The following TIAM1 variants were observed in gnomAD, a reference collection of about 807,000 sequenced individuals.
The protein encoded by TIAM1 is rho guanine nucleotide exchange factor TIAM1.
TIAM1 carries 65 observed loss-of-function variants against 163.5 expected under a neutral mutation model. The ratio of observed to expected loss-of-function variants is 0.40; its 90% CI spans 0.33 to 0.49. The LOEUF is 0.49. Among genes scored for constraint, TIAM1 ranks in the 20% least tolerant of loss-of-function variants. The pLI, the probability that TIAM1 is intolerant of heterozygous loss-of-function variation, is 0.77. For missense variants in TIAM1, 1,789 were observed against 2,044.7 expected, an observed-to-expected ratio of 0.87 and a Z score of 2.41; for synonymous variants, 833 against 810.1, an observed-to-expected ratio of 1.03 and a Z score of -0.48.
chr21:31,374,840 T>G (rs1337592237), intron 2 of TIAM1, among the ~76,000 whole-genome samples: 1 of 152,200 alleles, frequency 6.6e-6, no homozygotes, highest in African/African-American at 2.4e-5. Flanking sequence ...AAAACAAATA[T>G]TCGTTATTCC....
At chr21:31,218,785 G>A (rs527313637) in intron 8 of TIAM1, among the ~76,000 whole-genome samples, 2 of 152,096 alleles carry the variant, frequency 1.3e-5, no homozygotes, top group East Asian at 3.9e-4. Flanking sequence ...TCTTTTTCCT[G>A]ATAAAAGGAA....
At chr21:31,306,053 C>T (rs983243897) in intron 2 of TIAM1, among the ~76,000 whole-genome samples, 3 of 152,044 alleles carry the variant, frequency 2.0e-5, no homozygotes, top group African/African-American at 7.2e-5. Flanking sequence ...CAGGCCAAAT[C>T]AGGGACAATT....
intron 1 of TIAM1, among the ~76,000 whole-genome samples, chr21:31,547,616 A>G (rs2048539745): frequency 6.6e-6 from 1 of 152,252 alleles, no homozygotes; most frequent in Non-Finnish European, 1.5e-5. Flanking sequence ...ATGAAATGTT[A>G]AAGTTCAATT....
chr21:31,209,077 C>T (rs2086592515), intron 11 of TIAM1, among the ~76,000 whole-genome samples: 2 of 151,974 alleles, frequency 1.3e-5, no homozygotes, highest in South Asian at 4.1e-4. Flanking sequence ...TTCTTGTGGA[C>T]ACTCGGCACT....
intron 2 of TIAM1, among the ~76,000 whole-genome samples, chr21:31,392,935 C>G (rs942518911): frequency 6.7e-6 from 1 of 149,794 alleles, no homozygotes; most frequent in Non-Finnish European, 1.5e-5. Flanking sequence ...TATACAGAAC[C>G]GTGAGCCAAA....
chr21:31,146,017 T>C (rs73191652), intron 20 of TIAM1, among the ~76,000 whole-genome samples: 11,212 of 152,110 alleles, frequency 0.074, 477 homozygotes, highest in Non-Finnish European at 0.097. Context: ...TAGGTTATAA[T>C]CGAAATTAAA....
At chr21:31,188,071 A>C (rs2085383182) in intron 13 of TIAM1, among the ~76,000 whole-genome samples, 1 of 152,162 alleles carries the variant, frequency 6.6e-6, no homozygotes, top group Admixed American at 6.5e-5. Flanking sequence ...GGCAAATAGC[A>C]AAACAGAATT....
chr21:31,557,739 C>T (rs1263389451), intron 1 of TIAM1, among the ~76,000 whole-genome samples: 1 of 152,188 alleles, frequency 6.6e-6, no homozygotes, highest in Non-Finnish European at 1.5e-5. Flanking sequence ...TCCCCAAGGG[C>T]TCGCGCACGT....
intron 19 of TIAM1, 133 bp downstream of exon 19, chr21:31,152,503 A>AT: frequency 8.1e-7 from 1 of 1,229,518 alleles, no homozygotes; most frequent in Non-Finnish European, 1.1e-6. Context: ...GACACACTCC[A>AT]TTCCCCTCCC....
chr21:31,452,831 C>G (rs904282516), intron 2 of TIAM1: 4 of 529,122 alleles, frequency 7.6e-6, no homozygotes, highest in African/African-American at 3.9e-5. Context: ...TTGAGGATGA[C>G]CCTACGATAG....
intron 2 of TIAM1, among the ~76,000 whole-genome samples, chr21:31,338,979 A>G (rs1011005614): frequency 6.6e-6 from 1 of 152,092 alleles, no homozygotes; most frequent in African/African-American, 2.4e-5. Flanking sequence ...AGTCAGAAAG[A>G]CAGAGGATTA....
intron 19 of TIAM1, among the ~76,000 whole-genome samples, chr21:31,149,243 C>T (rs1488722200): frequency 6.6e-6 from 1 of 152,128 alleles, no homozygotes; most frequent in African/African-American, 2.4e-5. Flanking sequence ...GGTTTGGTAT[C>T]CTTGATCCAA....
intron 2 of TIAM1, among the ~76,000 whole-genome samples, chr21:31,300,792 G>A (rs2074467368): frequency 6.6e-6 from 1 of 152,176 alleles, no homozygotes; most frequent in African/African-American, 2.4e-5. Flanking sequence ...ATTATTTATT[G>A]CTCCAGAACT....
At chr21:31,193,007 G>C (rs1601491485) in intron 13 of TIAM1, among the ~76,000 whole-genome samples, 1 of 152,192 alleles carries the variant, frequency 6.6e-6, no homozygotes, top group Middle Eastern at 3.4e-3. Context: ...AGCTAACCTC[G>C]CCACTCCTGA....
chr21:31,491,635 A>G (rs1438840471), intron 1 of TIAM1, among the ~76,000 whole-genome samples: 1 of 152,228 alleles, frequency 6.6e-6, no homozygotes, highest in African/African-American at 2.4e-5. Flanking sequence ...AGAGGTAGAA[A>G]ATTGATGCTT....
chr21:31,127,018 T>C, intron 26 of TIAM1, 47 bp downstream of exon 26: 1 of 1,588,108 alleles, frequency 6.3e-7, no homozygotes, highest in African/African-American at 1.3e-5. Context: ...ACCGTTCCAA[T>C]CTGCAGAAAT....
intron 6 of TIAM1, among the ~76,000 whole-genome samples, chr21:31,238,203 T>C (rs1040664961): frequency 2.0e-5 from 3 of 152,226 alleles, no homozygotes; most frequent in African/African-American, 7.2e-5. Flanking sequence ...TCCATAATCA[T>C]GGCTGATTGC....
chr21:31,459,244 T>G (rs151187949), intron 2 of TIAM1, among the ~76,000 whole-genome samples: 4,028 of 152,204 alleles, frequency 0.026, 90 homozygotes, highest in Non-Finnish European at 0.043. Context: ...CCTGAGTAAC[T>G]AGGACTACAG....
intron 1 of TIAM1, among the ~76,000 whole-genome samples, chr21:31,470,352 A>C (rs1164731672): frequency 6.8e-6 from 1 of 147,136 alleles, no homozygotes; most frequent in Non-Finnish European, 1.5e-5. Context: ...TATTTCCTTG[A>C]GACAGAGTTT....
Sources: allele counts gnomAD v4.1 joint callset (sites outside exome capture counted in the v4.1 genomes callset), GRCh38; gene constraint gnomAD v4.1.1; transcripts MANE v1.5; gene names NCBI Gene and HGNC (gene_info 2026-07-23, HGNC 2026-07-21).